The following BPTF variants were observed in gnomAD, a reference collection of about 807,000 sequenced individuals.
The protein encoded by BPTF is nucleosome-remodeling factor subunit BPTF.
A neutral mutation model predicts 292.5 loss-of-function variants in BPTF; 18 were observed. The ratio of observed to expected loss-of-function variants is 0.06; its 90% CI spans 0.04 to 0.09. BPTF has a LOEUF of 0.09. Ranked by LOEUF, BPTF falls within the 10% of genes least tolerant of loss-of-function variation. The pLI is 1.00. For missense variants in BPTF, 2,726 were observed against 3,498.7 expected (o/e 0.78, Z 5.57); for synonymous variants, 1,225 against 1,251.9 (o/e 0.98, Z 0.45).
chr17:67,896,798 A>G (rs2061483156), intron 7 of BPTF, among the ~76,000 whole-genome samples: 1 of 152,214 alleles, frequency 6.6e-6, no homozygotes, highest in South Asian at 2.1e-4. Context: ...ACATGCAATT[A>G]AAGACTTCCT....
At chr17:67,962,563 G>C (rs1419579915) in intron 24 of BPTF, among the ~76,000 whole-genome samples, 2 of 152,178 alleles carry the variant, frequency 1.3e-5, no homozygotes, top group Non-Finnish European at 2.9e-5. Context: ...TCCACACCTT[G>C]TCCCCGGTGT....
chr17:67,907,768 G>A (rs774103297), intron 9 of BPTF, among the ~76,000 whole-genome samples: 7 of 151,960 alleles, frequency 4.6e-5, no homozygotes, highest in African/African-American at 1.2e-4. Flanking sequence ...GTATCTCTAC[G>A]TAGACATTTT....
In BPTF at chr17:67,922,398, A is replaced by G. The variant is rs185945401; in HGVS notation, c.5558-442A>G. Among the ~76,000 whole-genome samples the G allele has an allele frequency of 4.4e-3, 666 of 152,240 alleles. 3 individuals carry two copies. Among genetic ancestry groups the G allele is most frequent in the African/African-American group, 0.015 (636 of 41,528 alleles). ...TCAAATCCCCCTTCTCTGTGCGGTG[A>G]TAGGGAAACACATGTTGTACACCCA... is the stretch of plus-strand genomic sequence containing the variant. On this transcript the variant is annotated intron_variant, in intron 13 of 27. Coordinates refer to ENST00000306378, the MANE Select transcript of BPTF (RefSeq NM_182641.4).
intron 1 of BPTF, among the ~76,000 whole-genome samples, chr17:67,827,387 GC>G (rs1216210919): frequency 2.0e-5 from 3 of 152,148 alleles, no homozygotes; most frequent in Non-Finnish European, 2.9e-5. Context: ...CTAGGCTGGT[GC>G]CGAGATGCAT....
At chr17:67,922,521 G>A (rs1434863346) in intron 13 of BPTF, among the ~76,000 whole-genome samples, 1 of 152,136 alleles carries the variant, frequency 6.6e-6, no homozygotes, top group Non-Finnish European at 1.5e-5. Context: ...TGGAGGCTTG[G>A]AATAGTGCTC....
chr17:67,931,989 A>G lies in BPTF; in HGVS notation c.6229A>G (p.Ile2077Val), dbSNP rs369595757. ...PLQQSTLGKA[I>V]IRTPVMVQPG... ...CCAACAGTCAACACTAGGAAAGGCAATTATTCGAACACCTGTGATGGTACA... is the reference window on the plus strand; with the variant it reads ...CCAACAGTCAACACTAGGAAAGGCAGTTATTCGAACACCTGTGATGGTACA... Residue 2077 changes from isoleucine (I) to valine (V), a missense_variant, in exon 18 of 28, where the codon ATT becomes GTT. Ile to Val is a conservative substitution (Grantham distance 29, BLOSUM62 3). This residue lies in a region of BPTF where 570 missense variants were observed against 633.5 expected (regional missense o/e 0.90). Transcript: ENST00000306378. 4.0e-4 allele frequency: 646 copies of G among 1,613,976 alleles called. No homozygotes were observed. The highest frequency in any genetic ancestry group is 5.4e-4 in the Non-Finnish European group (633 of 1,179,974).
chr17:67,949,471 A>C (rs1568154053), intron 23 of BPTF, among the ~76,000 whole-genome samples: 1 of 151,856 alleles, frequency 6.6e-6, no homozygotes, highest in Non-Finnish European at 1.5e-5. Context: ...GCTACTTGGG[A>C]TGCTGAGGCA....
intron 7 of BPTF, among the ~76,000 whole-genome samples, chr17:67,899,054 A>G (rs2061644744): frequency 6.6e-6 from 1 of 152,194 alleles, no homozygotes; most frequent in Admixed American, 6.5e-5. Flanking sequence ...TAACACATAC[A>G]ATTTTGTTCC....
At chr17:67,925,992 CTTTTTTT>C (rs60083535) in intron 15 of BPTF, among the ~76,000 whole-genome samples, 15 of 56,622 alleles carry the variant, frequency 2.6e-4, no homozygotes, top group South Asian at 1.1e-3. Flanking sequence ...TAACATATTA[CTTTTTTT>C]TTTTTTTTTT....
At chr17:67,868,191 A>G (rs1258998180) in intron 3 of BPTF, among the ~76,000 whole-genome samples, 2 of 152,154 alleles carry the variant, frequency 1.3e-5, no homozygotes, top group Non-Finnish European at 2.9e-5. Flanking sequence ...TATATCTCAA[A>G]AGTTTAAATA....
At chr17:67,886,503 A>C (rs1476360398) in intron 4 of BPTF, among the ~76,000 whole-genome samples, 4 of 151,790 alleles carry the variant, frequency 2.6e-5, no homozygotes, top group Admixed American at 2.0e-4. Context: ...TTTTAAACAC[A>C]GCACTTGCAC....
At chr17:67,909,230 C>G (rs1020143968) in intron 9 of BPTF, among the ~76,000 whole-genome samples, 1 of 151,184 alleles carries the variant, frequency 6.6e-6, no homozygotes, top group Non-Finnish European at 1.5e-5. Flanking sequence ...ACTCTGTCAC[C>G]CAGGCTGGAG....
intron 15 of BPTF, among the ~76,000 whole-genome samples, chr17:67,925,457 G>A (rs1398899523): frequency 6.6e-6 from 1 of 151,896 alleles, no homozygotes; most frequent in East Asian, 1.9e-4. Flanking sequence ...TGAGTCCAGG[G>A]GTTTGAGACC....
Position 67,945,480 on chromosome 17 carries a change from G to C in BPTF, c.6772G>C (p.Ala2258Pro). 2 of 1,614,126 alleles carry C rather than the reference G, an allele frequency of 1.2e-6. No individual in the cohort carries two copies. Among genetic ancestry groups the C allele is most frequent in the Non-Finnish European group, 1.7e-6 (2 of 1,180,018 alleles). Residue 2258 changes from alanine (A) to proline (P), a missense_variant, in exon 21 of 28, where the codon GCT (alanine) becomes CCT (proline). Physicochemically the swap from Ala to Pro is conservative, Grantham distance 27. Coordinates refer to ENST00000306378, the MANE Select transcript of BPTF (RefSeq NM_182641.4). ...QVHQDKTLPPAQSSSVGPAEA... is the reference protein window; with the variant it reads ...QVHQDKTLPPPQSSSVGPAEA... ...ACATCAAGACAAAACCCTGCCACCA[G>C]CTCAGTCATCAAGTGTGGGTCCAGC... is the stretch of plus-strand genomic sequence containing the variant.
At chr17:67,922,729 C>T in intron 13 of BPTF, 111 bp from the exon 14 acceptor site, 1 of 1,177,504 alleles carries the variant, frequency 8.5e-7, no homozygotes, top group East Asian at 2.6e-5. Flanking sequence ...CAGCAGAGAC[C>T]ATCTGGCTAT....
chr17:67,873,963 A>G (rs1008891203), intron 3 of BPTF, among the ~76,000 whole-genome samples: 3 of 151,946 alleles, frequency 2.0e-5, no homozygotes, highest in Admixed American at 6.6e-5. Context: ...AGCCCGGAGC[A>G]TCTTGTAATA....
intron 13 of BPTF, 23 bp downstream of exon 13, chr17:67,920,166 T>C: frequency 6.2e-7 from 1 of 1,600,776 alleles, no homozygotes; most frequent in Non-Finnish European, 8.5e-7. Context: ...ATTCTATTCT[T>C]TCATGATTAA....
chr17:67,925,675 A>C (rs115133113), intron 15 of BPTF, among the ~76,000 whole-genome samples: 2 of 152,310 alleles, frequency 1.3e-5, no homozygotes, highest in African/African-American at 2.4e-5. Context: ...ATATATCTAT[A>C]TACAGTATTA....
intron 3 of BPTF, among the ~76,000 whole-genome samples, chr17:67,871,217 A>T (rs1031322401): frequency 6.6e-6 from 1 of 152,040 alleles, no homozygotes; most frequent in African/African-American, 2.4e-5. Flanking sequence ...TCAAATGTAC[A>T]CAAAAGTTGA....
Sources: allele counts gnomAD v4.1 joint callset (sites outside exome capture counted in the v4.1 genomes callset), GRCh38; gene constraint gnomAD v4.1.1; regional missense constraint gnomAD v4.1.1; transcripts MANE v1.5; gene names NCBI Gene and HGNC (gene_info 2026-07-23, HGNC 2026-07-21).